NRG1: variants seen among roughly 807,000 people sequenced by gnomAD.
NRG1 encodes neuregulin 1, also known as pro-neuregulin-1, membrane-bound isoform.
NRG1 carries 18 observed loss-of-function variants against 63.8 expected under a neutral mutation model. That is an observed-to-expected ratio of 0.28 (90% CI 0.19 to 0.42). NRG1 has a LOEUF of 0.42. NRG1 is among the 10% of genes least tolerant of loss of function. The pLI is 1.00. For missense variants in NRG1, 762 were observed against 814.7 expected (o/e 0.94, Z 0.79); for synonymous variants, 302 against 301.3 (o/e 1.00, Z -0.02).
chr8:32,006,372 ACCC>A (rs1372166274), intron 1 of NRG1, among the ~76,000 whole-genome samples: 3 of 151,846 alleles, frequency 2.0e-5, no homozygotes, highest in African/African-American at 7.3e-5. Flanking sequence ...ATACCCCACC[ACCC>A]CCAATTTCAC....
chr8:31,943,655 G>A lies in NRG1; in HGVS notation c.37+304224G>A, dbSNP rs553144373. On this transcript the variant is annotated intron_variant, in intron 1 of 10. Coordinates refer to the NRG1 transcript ENST00000519301. ...AAGGGGCAATGTGATGGTGGTGATAGGTATACAGGTTACCTTGTTCACCCT... is the reference window on the plus strand; with the variant it reads ...AAGGGGCAATGTGATGGTGGTGATAAGTATACAGGTTACCTTGTTCACCCT... Among the ~76,000 whole-genome samples the A allele has an allele frequency of 3.9e-5, 6 of 152,234 alleles. No homozygotes were observed. The South Asian group carries it at 1.2e-3, about 32-fold the overall frequency.
chr8:32,614,200 C>T (rs1023955178), intron 3 of NRG1, among the ~76,000 whole-genome samples: 13 of 152,026 alleles, frequency 8.6e-5, no homozygotes, highest in Admixed American at 6.6e-4. Context: ...TCCCCTATTT[C>T]GACTTTTCTT....
At position 32,214,329 on chromosome 8, in the gene NRG1, A is replaced by G. The variant is rs566165577; in HGVS notation, c.38-381499A>G. Among the ~76,000 whole-genome samples, 21 of 152,322 alleles carry G rather than the reference A, an allele frequency of 1.4e-4. No homozygotes were observed. In the East Asian group the frequency reaches 3.7e-3, roughly 27 times the overall value. On this transcript the variant is annotated intron_variant, in intron 1 of 10. Transcript: ENST00000519301. ...ATATATCTTTATATATATTTAAACC[A>G]TAGTTTTCAACAAAGTTGGAAACAA...
intron 1 of NRG1, among the ~76,000 whole-genome samples, chr8:31,827,015 C>G (rs1184644033): frequency 6.6e-6 from 1 of 152,120 alleles, no homozygotes; most frequent in Admixed American, 6.5e-5. Context: ...GACCTTAAAA[C>G]TAGGAAAAAC....
intron 1 of NRG1, among the ~76,000 whole-genome samples, chr8:31,903,806 T>C (rs944460030): frequency 2.0e-5 from 3 of 151,834 alleles, no homozygotes; most frequent in African/African-American, 7.3e-5. Context: ...AATACAAAAA[T>C]TAGCCAGGCG....
chr8:32,089,792 G>A (rs1239881229), intron 1 of NRG1, among the ~76,000 whole-genome samples: 2 of 152,148 alleles, frequency 1.3e-5, no homozygotes, highest in South Asian at 2.1e-4. Context: ...ACACATATAG[G>A]TGGGAAAAAG....
chr8:32,416,843 G>A (rs954709737), intron 1 of NRG1, among the ~76,000 whole-genome samples: 6 of 151,914 alleles, frequency 3.9e-5, no homozygotes, highest in African/African-American at 7.3e-5. Context: ...GCACCACCAC[G>A]CTTGGCTAAT....
At chr8:32,013,488 A>T (rs1203503129) in intron 1 of NRG1, among the ~76,000 whole-genome samples, 1 of 152,086 alleles carries the variant, frequency 6.6e-6, no homozygotes, top group Non-Finnish European at 1.5e-5. Context: ...TGCCTAAATA[A>T]AATACAAAGG....
chr8:32,083,729 G>A (rs1827831021), intron 1 of NRG1, among the ~76,000 whole-genome samples: 1 of 151,822 alleles, frequency 6.6e-6, no homozygotes, highest in African/African-American at 2.4e-5. Context: ...AATGGGAGGG[G>A]GAAATTAGAA....
At chr8:31,676,637 C>T (rs1408421055) in intron 1 of NRG1, among the ~76,000 whole-genome samples, 2 of 152,144 alleles carry the variant, frequency 1.3e-5, no homozygotes. Context: ...ATATACCTTC[C>T]AGGGGTTCTG....
rs577934864 is a variant in NRG1 at position 31,776,599 on chromosome 8, T to A, written c.37+137168T>A. Among the ~76,000 whole-genome samples, 4 of 152,240 alleles carry A rather than the reference T, an allele frequency of 2.6e-5. No individual in the cohort carries two copies. The South Asian group carries it at 8.3e-4, about 32-fold the overall frequency. ...ACATGTGCACAACGAGCAGGTTTGT[T>A]ACATATGTATACATGTGCCATGTTG... is the stretch of plus-strand genomic sequence containing the variant. On this transcript the variant is annotated intron_variant, in intron 1 of 10. Transcript: ENST00000519301.
intron 1 of NRG1, among the ~76,000 whole-genome samples, chr8:32,115,036 CT>C (rs556636753): frequency 1.1e-3 from 155 of 147,292 alleles, no homozygotes; most frequent in African/African-American, 2.3e-3. Context: ...CTGTTTATAA[CT>C]TTTTTTTTTT....
intron 1 of NRG1, among the ~76,000 whole-genome samples, chr8:31,817,944 A>C (rs962649354): frequency 3.9e-5 from 6 of 152,208 alleles, no homozygotes; most frequent in Admixed American, 3.9e-4. Flanking sequence ...TTTTTAATCT[A>C]CTTTAGCAGA....
At chr8:32,659,316 G>A (rs1802289694) in intron 5 of NRG1, among the ~76,000 whole-genome samples, 1 of 151,704 alleles carries the variant, frequency 6.6e-6, no homozygotes, top group South Asian at 2.1e-4. Context: ...CTAAGTTTTT[G>A]TTGTTGTTTT....
intron 1 of NRG1, among the ~76,000 whole-genome samples, chr8:32,133,509 A>C (rs1490792440): frequency 6.6e-6 from 1 of 152,192 alleles, no homozygotes; most frequent in African/African-American, 2.4e-5. Flanking sequence ...TATGCAATTC[A>C]AATAGCTATT....
chr8:31,759,315 T>A (rs1033176979), intron 1 of NRG1, among the ~76,000 whole-genome samples: 2 of 152,142 alleles, frequency 1.3e-5, no homozygotes, highest in Non-Finnish European at 2.9e-5. Flanking sequence ...TATTTGCCTA[T>A]CAAGTTTATG....
At chr8:31,673,027 A>G (rs56233954) in intron 1 of NRG1, among the ~76,000 whole-genome samples, 36,858 of 151,490 alleles carry the variant, frequency 0.24, 4,622 homozygotes, top group Admixed American at 0.28. Flanking sequence ...GGAGTGCAAC[A>G]TTCTTGTCTC....
chr8:32,358,733 T>C (rs1253392068), intron 1 of NRG1, among the ~76,000 whole-genome samples: 1 of 152,028 alleles, frequency 6.6e-6, no homozygotes, highest in Non-Finnish European at 1.5e-5. Context: ...GAGATACCAA[T>C]ATAGACATGG....
At chr8:32,635,695 A>T (rs1024511706) in intron 5 of NRG1, among the ~76,000 whole-genome samples, 3 of 152,152 alleles carry the variant, frequency 2.0e-5, no homozygotes, top group Admixed American at 2.0e-4. Flanking sequence ...GCAGTTTTTT[A>T]AAAATGTAGA....
Sources: gnomAD v4.1 joint callset for allele counts (sites outside exome capture counted in the v4.1 genomes callset) on GRCh38, gnomAD v4.1.1 for gene constraint, MANE v1.5 for transcripts, NCBI Gene and HGNC (gene_info 2026-07-23, HGNC 2026-07-21) for gene names.